The following PLCB1 variants were observed in gnomAD, a reference collection of about 807,000 sequenced individuals.
PLCB1 encodes the protein 1-phosphatidylinositol 4,5-bisphosphate phosphodiesterase beta-1.
A neutral mutation model predicts 161.8 loss-of-function variants in PLCB1; 46 were observed. That is an observed-to-expected ratio of 0.28 (90% confidence interval 0.22 to 0.36). PLCB1 has a LOEUF of 0.36. Among genes scored for constraint, PLCB1 ranks in the 10% least tolerant of loss-of-function variants. PLCB1 has a pLI of 1.00. For missense variants in PLCB1, 1,016 were observed against 1,472.5 expected, an observed-to-expected ratio of 0.69 and a Z score of 5.07; for synonymous variants, 517 against 503.7, an observed-to-expected ratio of 1.03 and a Z score of -0.35.
chr20:8,705,968 G>A (rs1469857945), intron 11 of PLCB1, among the ~76,000 whole-genome samples: 2 of 152,160 alleles, frequency 1.3e-5, no homozygotes, highest in Admixed American at 6.5e-5. Context: ...GGAATACAGC[G>A]GCAAGTACTA....
rs751012869 is a variant in PLCB1 at position 8,490,031 on chromosome 20, TA to T, written c.246+118586del. 1.1e-3 allele frequency among the ~76,000 whole-genome samples: 168 copies of T among 152,262 alleles called. 3 individuals carry two copies. In the Middle Eastern group the frequency reaches 0.024, roughly 22 times the overall value. On this transcript the variant is annotated intron_variant, in intron 3 of 31. Coordinates refer to ENST00000338037, the MANE Select transcript of PLCB1 (RefSeq NM_015192.4). ...GAAGGAATCCAGGTAGAATACAATA[TA>T]AAAATGTCTCAAACTAGGCAAGAGA...
chr20:8,542,192 C>T (rs566945322), intron 3 of PLCB1, among the ~76,000 whole-genome samples: 17 of 152,280 alleles, frequency 1.1e-4, no homozygotes, highest in Non-Finnish European at 2.1e-4. Context: ...CCGATTTCCA[C>T]GACCGGTTCT....
intron 2 of PLCB1, among the ~76,000 whole-genome samples, chr20:8,251,725 A>G (rs773314894): frequency 1.3e-5 from 2 of 151,948 alleles, no homozygotes; most frequent in African/African-American, 2.4e-5. Context: ...GAATTTTCCT[A>G]CAACTCAGAT....
chr20:8,748,147 G>A (rs901258837), intron 23 of PLCB1, among the ~76,000 whole-genome samples: 1 of 152,084 alleles, frequency 6.6e-6, no homozygotes, highest in African/African-American at 2.4e-5. Flanking sequence ...GAACTTTAAA[G>A]CATCCAATAC....
At chr20:8,343,417 C>T (rs1985884295) in intron 2 of PLCB1, among the ~76,000 whole-genome samples, 1 of 152,178 alleles carries the variant, frequency 6.6e-6, no homozygotes, top group African/African-American at 2.4e-5. Flanking sequence ...GTATCTTTAA[C>T]AAGTTATCAG....
At chr20:8,541,159 A>G (rs924079956) in intron 3 of PLCB1, among the ~76,000 whole-genome samples, 1 of 152,206 alleles carries the variant, frequency 6.6e-6, no homozygotes, top group African/African-American at 2.4e-5. Context: ...CTGTATGAGT[A>G]GAAATTAGGA....
chr20:8,244,193 CTATT>C (rs1218731390), intron 2 of PLCB1, among the ~76,000 whole-genome samples: 1 of 151,870 alleles, frequency 6.6e-6, no homozygotes, highest in African/African-American at 2.4e-5. Flanking sequence ...CTTTGGAAAA[CTATT>C]TATTAATGTT....
intron 2 of PLCB1, among the ~76,000 whole-genome samples, chr20:8,367,689 T>C (rs1456494174): frequency 2.0e-5 from 3 of 152,304 alleles, no homozygotes; most frequent in African/African-American, 7.2e-5. Context: ...AAACAGAAAC[T>C]CTTAAACTGA....
At chr20:8,455,329 A>AC (rs1491345416) in intron 3 of PLCB1, among the ~76,000 whole-genome samples, 2 of 52,530 alleles carry the variant, frequency 3.8e-5, no homozygotes, top group African/African-American at 2.3e-4. Context: ...ACTCCATCAC[A>AC]AAAAAAAAAA....
chr20:8,623,434 CT>C (rs1442274631), intron 3 of PLCB1, among the ~76,000 whole-genome samples: 1 of 152,126 alleles, frequency 6.6e-6, no homozygotes, highest in Non-Finnish European at 1.5e-5. Context: ...TATATTTTCT[CT>C]TCTTCATCAA....
At chr20:8,244,350 GGATA>G (rs1398302988) in intron 2 of PLCB1, among the ~76,000 whole-genome samples, 3 of 151,822 alleles carry the variant, frequency 2.0e-5, no homozygotes, top group African/African-American at 7.2e-5. Context: ...ATCAACAATT[GGATA>G]GATAAACAAA....
intron 3 of PLCB1, among the ~76,000 whole-genome samples, chr20:8,483,170 AT>A (rs1427402894): frequency 6.6e-6 from 1 of 152,204 alleles, no homozygotes; most frequent in Admixed American, 6.5e-5. Flanking sequence ...AAATAAAAAC[AT>A]ATTCTCTCTC....
rs538010141 is a variant in PLCB1, at chr20:8,458,486, G to A, written c.246+87036G>A. Among the ~76,000 whole-genome samples, 11 of 152,176 alleles carry A rather than the reference G, an allele frequency of 7.2e-5. No homozygotes were observed. The East Asian group carries it at 1.2e-3, about 16-fold the overall frequency. Reference sequence around the variant, plus strand: ...TCCCTTTCTTAATGGGTAGAAAAAGGAAGCTTCCCCATAGGCCTAAATGTG... The same window carrying A: ...TCCCTTTCTTAATGGGTAGAAAAAGAAAGCTTCCCCATAGGCCTAAATGTG... On this transcript the variant is annotated intron_variant, in intron 3 of 31. Transcript: ENST00000338037.
chr20:8,636,813 T>G (rs967490476), intron 4 of PLCB1, among the ~76,000 whole-genome samples: 2 of 152,198 alleles, frequency 1.3e-5, no homozygotes, highest in African/African-American at 4.8e-5. Flanking sequence ...GATTTCAGAC[T>G]GTGGGTTACT....
intron 3 of PLCB1, among the ~76,000 whole-genome samples, chr20:8,546,697 G>T (rs936335702): frequency 6.6e-6 from 1 of 151,492 alleles, no homozygotes; most frequent in Non-Finnish European, 1.5e-5. Context: ...ATCAGTTGAT[G>T]ATATTATAGT....
intron 3 of PLCB1, among the ~76,000 whole-genome samples, chr20:8,543,655 A>G (rs1036534591): frequency 6.3e-5 from 9 of 143,802 alleles, no homozygotes; most frequent in Non-Finnish European, 1.2e-4. Context: ...CACATCTGAT[A>G]CGGTTTGGCT....
chr20:8,541,596 G>GAAAGAAAGAAAT (rs1555769066), intron 3 of PLCB1, among the ~76,000 whole-genome samples: 3 of 150,426 alleles, frequency 2.0e-5, no homozygotes, highest in Admixed American at 6.7e-5. Flanking sequence ...AAGAAAGAAA[G>GAAAGAAAGAAAT]AAAGAAAGAA....
At chr20:8,425,151 T>G (rs1979702084) in intron 3 of PLCB1, among the ~76,000 whole-genome samples, 1 of 145,378 alleles carries the variant, frequency 6.9e-6, no homozygotes, top group Admixed American at 6.9e-5. Flanking sequence ...TTTTTTAACT[T>G]AAGATACATG....
In PLCB1 at chr20:8,570,616, T is replaced by G. The variant is rs962370369; in HGVS notation, c.247-57678T>G. ...GTTAAGGTCCCTGATCTCACGCAGC[T>G]GACACCTACTTTGTTCCAGACACTA... On this transcript the variant is annotated intron_variant, in intron 3 of 31. Transcript: ENST00000338037. Among the ~76,000 whole-genome samples the G allele has an allele frequency of 6.9e-5, 6 of 86,462 alleles. 1 individual carries two copies. The highest frequency in any genetic ancestry group is 2.0e-4 in the Admixed American group (2 of 10,110). 56.7% of individuals were successfully genotyped at this position (86,462 alleles called of 152,430 possible).
Sources: gnomAD v4.1 joint callset for allele counts (sites outside exome capture counted in the v4.1 genomes callset) on GRCh38, gnomAD v4.1.1 for gene constraint, MANE v1.5 for transcripts, NCBI Gene and HGNC (gene_info 2026-07-23, HGNC 2026-07-21) for gene names.